CRAMP1: variants seen among roughly 807,000 people sequenced by gnomAD.
CRAMP1 encodes protein cramped-like.
CRAMP1 carries 50 observed loss-of-function variants against 115.4 expected under a neutral mutation model. That is an observed-to-expected ratio of 0.43 (90% CI 0.35 to 0.55). The LOEUF (loss-of-function observed/expected upper bound fraction) is 0.55, where lower values mean the gene tolerates loss of function less well. Among genes scored for constraint, CRAMP1 ranks in the 20% least tolerant of loss-of-function variants. The pLI is 0.01. For synonymous variants in CRAMP1, 866 were observed against 745.4 expected (o/e 1.16, Z -2.64); for missense variants, 1,679 against 1,721.7 (o/e 0.98, Z 0.44).
At chr16:1,617,311 A>C (rs1293053625) in intron 2 of CRAMP1, among the ~76,000 whole-genome samples, 1 of 152,158 alleles carries the variant, frequency 6.6e-6, no homozygotes, top group Non-Finnish European at 1.5e-5. Flanking sequence ...TTTGGGAGGC[A>C]CTTCACTGTG....
intron 2 of CRAMP1, among the ~76,000 whole-genome samples, chr16:1,622,911 G>A (rs574159899): frequency 3.9e-5 from 6 of 152,090 alleles, no homozygotes; most frequent in South Asian, 2.1e-4. Context: ...ACTGGTGCAC[G>A]CCACCACATG....
chr16:1,650,011 C>G (rs2036709857), intron 6 of CRAMP1, among the ~76,000 whole-genome samples: 1 of 152,022 alleles, frequency 6.6e-6, no homozygotes, highest in Non-Finnish European at 1.5e-5. Flanking sequence ...TCAGGCTGGT[C>G]TCGAACTCCT....
chr16:1,615,525 G>C (rs1467557738), intron 2 of CRAMP1, among the ~76,000 whole-genome samples: 2 of 152,206 alleles, frequency 1.3e-5, no homozygotes, highest in African/African-American at 2.4e-5. Context: ...GGCCCTTTGA[G>C]TTGCAACTGG....
intron 4 of CRAMP1, among the ~76,000 whole-genome samples, chr16:1,634,885 G>A (rs75520317): frequency 0.022 from 3,279 of 152,190 alleles, 220 homozygotes; most frequent in Admixed American, 0.13. Flanking sequence ...TATTTTTGGC[G>A]TGCTTTGGAG....
chr16:1,653,611 C>T (rs866647511), intron 8 of CRAMP1, among the ~76,000 whole-genome samples: 2 of 151,598 alleles, frequency 1.3e-5, no homozygotes, highest in Non-Finnish European at 2.9e-5. Flanking sequence ...GGGTGGATCA[C>T]GAGGTCAGGA....
At chr16:1,670,041 G>A (rs1281769847) in intron 19 of CRAMP1, among the ~76,000 whole-genome samples, 1 of 152,126 alleles carries the variant, frequency 6.6e-6, no homozygotes, top group East Asian at 1.9e-4. Flanking sequence ...AAGGTAGGAG[G>A]ACTGCTTGAG....
intron 4 of CRAMP1, among the ~76,000 whole-genome samples, chr16:1,634,700 G>A (rs1018048061): frequency 2.0e-5 from 3 of 152,168 alleles, no homozygotes; most frequent in African/African-American, 4.8e-5. Flanking sequence ...GGCCCTGACT[G>A]TCTCTTCAGC....
chr16:1,646,914 T>A, intron 6 of CRAMP1: 1 of 622,814 alleles, frequency 1.6e-6, no homozygotes, highest in Non-Finnish European at 2.9e-6. Flanking sequence ...CTCTCCTCCA[T>A]TGAGTGGCCT....
intron 20 of CRAMP1, 140 bp from the exon 21 acceptor site, chr16:1,673,741 A>G (rs760189537): frequency 1.1e-5 from 8 of 724,224 alleles, no homozygotes; most frequent in Middle Eastern, 3.9e-4. Flanking sequence ...GATTCTGCAC[A>G]GAGCCCTGGG....
chr16:1,613,205 G>T (rs776471918), intron 1 of CRAMP1, among the ~76,000 whole-genome samples: 5 of 152,122 alleles, frequency 3.3e-5, no homozygotes, highest in Admixed American at 6.5e-5. Context: ...CCTTAAGTTG[G>T]GGTGTTTGTC....
Position 1,656,135 on chromosome 16 carries a change from C to T in CRAMP1, c.1378C>T (p.Gln460Ter). The T allele has an allele frequency of 6.2e-7, 1 of 1,608,564 alleles. No individual in the cohort carries two copies. The change falls in exon 10 of 21, where the codon CAG becomes TAG. Residue 460 changes from glutamine to a stop codon, truncating the protein, a stop_gained. Coordinates refer to ENST00000397412, the MANE Select transcript of CRAMP1 (RefSeq NM_020825.4). LOFTEE classifies it high-confidence loss of function. This position sits in a 1 kb window ranked among gnomAD's most constrained non-coding sequence, Gnocchi z 5.6. ...IQSGQGTARG[Q>*]VKCPRSGAEG... ...GAGTGGGCAGGGCACGGCCCGGGGCCAGGTGAAATGCCCGCGGAGCGGAGC... is the reference window on the plus strand; with the variant it reads ...GAGTGGGCAGGGCACGGCCCGGGGCTAGGTGAAATGCCCGCGGAGCGGAGC...
In CRAMP1 at chr16:1,625,977, T is replaced by C. The variant is rs1365767484; in HGVS notation, c.351T>C (p.Ala117=). The change falls in exon 3 of 21, where the codon GCT becomes GCC. Residue 117 remains alanine (A), a synonymous_variant. Coordinates refer to ENST00000397412, the MANE Select transcript of CRAMP1 (RefSeq NM_020825.4). ...GTACGGTGCTTTCTCTCCAAGGAGC[T>C]GAAGGTGGTGGATCATCGTCTGGAA... is the stretch of plus-strand genomic sequence containing the variant. ...AGGSGPRGKG[A]EGGGSSSGNV... 6.4e-7 allele frequency: 1 copy of C among 1,551,620 alleles called. No individual in the cohort carries two copies.
chr16:1,674,259 C>T lies in CRAMP1; in HGVS notation c.*214C>T, dbSNP rs1213356955. 1.7e-6 allele frequency: 1 copy of T among 587,764 alleles called. No homozygotes were observed. The highest frequency in any genetic ancestry group is 3.0e-6 in the Non-Finnish European group (1 of 330,556). 36.4% of individuals were successfully genotyped at this position (587,764 alleles called of 1,614,324 possible). A position where few individuals can be genotyped will look rare whatever the true frequency, so the allele number is the denominator to read the frequency against. On this transcript the variant is annotated 3_prime_UTR_variant, in exon 21 of 21. Transcript: ENST00000397412. ...CTTGGCAAGGGCCAGCGTTAGAAAT[C>T]ACTGTGGTACTAGAGCCGTTCTTCA...
Position 1,672,150 on chromosome 16 carries a change from C to T in CRAMP1, c.3645+1341C>T, listed in dbSNP as rs1377882802. 6.6e-6 allele frequency among the ~76,000 whole-genome samples: 1 copy of T among 152,202 alleles called. No individual in the cohort carries two copies. Among genetic ancestry groups the T allele is most frequent in the Non-Finnish European group, 1.5e-5 (1 of 68,028 alleles). On this transcript the variant is annotated intron_variant, in intron 20 of 20. Coordinates refer to ENST00000397412, the MANE Select transcript of CRAMP1 (RefSeq NM_020825.4). This position sits in a 1 kb window ranked among gnomAD's most constrained non-coding sequence, Gnocchi z 4.9. The stretch of plus-strand genomic sequence containing the variant: ...GGCCACAGCCCAGTGACAGGAGCCC[C>T]TTGGAGTCAGAAATCCAGAGTGTTA...
chr16:1,656,478 C>A lies in CRAMP1; in HGVS notation c.1721C>A (p.Pro574His). 6.3e-7 allele frequency: 1 copy of A among 1,578,226 alleles called. No individual in the cohort carries two copies. Among genetic ancestry groups the A allele is most frequent in the East Asian group, 2.4e-5 (1 of 42,550 alleles). ...YLKSCQDLIV[P>H]EQCRCADTRP... ...AAGTCCTGTCAGGACCTCATTGTCCCCGAGCAGTGCCGCTGTGCGGACACA... is the reference window on the plus strand; with the variant it reads ...AAGTCCTGTCAGGACCTCATTGTCCACGAGCAGTGCCGCTGTGCGGACACA... The change falls in exon 10 of 21, where the codon CCC becomes CAC. Residue 574 changes from proline to histidine, a missense_variant. Pro to His is a moderately conservative substitution (Grantham distance 77). This residue lies in a region of CRAMP1 where 405 missense variants were observed against 302.6 expected (regional missense o/e 1.34). Transcript: ENST00000397412. This position sits in a 1 kb window ranked among gnomAD's most constrained non-coding sequence, Gnocchi z 5.6.
intron 3 of CRAMP1, among the ~76,000 whole-genome samples, chr16:1,628,601 C>G (rs1054372775): frequency 3.3e-5 from 5 of 152,228 alleles, no homozygotes; most frequent in Admixed American, 3.3e-4. Flanking sequence ...ACTAGGTGGC[C>G]TTCTGGTGGG....
chr16:1,647,488 C>G (rs950897557), intron 6 of CRAMP1, among the ~76,000 whole-genome samples: 1 of 152,132 alleles, frequency 6.6e-6, no homozygotes, highest in African/African-American at 2.4e-5. Flanking sequence ...CGTTTGTAAT[C>G]CCAGCACTTT....
In CRAMP1 at chr16:1,666,549, G is replaced by A. The variant is rs1170642188; in HGVS notation, c.2985G>A (p.Gly995=). ...ACGAGGTGACGGGTGCCATCTCGGG[G>A]CAGGACTCTACTGGAACTCACCAGG... The part of the protein sequence containing the change: ...SSDEVTGAIS[G]QDSTGTHQDG... The change falls in exon 16 of 21, where the codon GGG becomes GGA. Residue 995 remains glycine (G), a synonymous_variant. Coordinates refer to ENST00000397412, the MANE Select transcript of CRAMP1 (RefSeq NM_020825.4). The surrounding 1 kb of genome is among the most constrained non-coding windows in gnomAD (Gnocchi z 5.0). 2.5e-6 allele frequency: 4 copies of A among 1,613,984 alleles called. No homozygotes were observed. Among genetic ancestry groups the A allele is most frequent in the Non-Finnish European group, 3.4e-6 (4 of 1,179,894 alleles).
chr16:1,657,082 A>G (rs2036782892), intron 10 of CRAMP1, 90 bp downstream of exon 10: 2 of 1,204,642 alleles, frequency 1.7e-6, no homozygotes, highest in South Asian at 1.6e-5. Flanking sequence ...TAGGGCCAGC[A>G]CGGTTGGGGT....
Sources: allele counts gnomAD v4.1 joint callset (sites outside exome capture counted in the v4.1 genomes callset), GRCh38; gene constraint gnomAD v4.1.1; regional missense constraint gnomAD v4.1.1; non-coding constraint Gnocchi (gnomAD v3.1); transcripts MANE v1.5; gene names NCBI Gene and HGNC (gene_info 2026-07-23, HGNC 2026-07-21).